PDE8A: variants seen among roughly 807,000 people sequenced by gnomAD.
PDE8A encodes the protein phosphodiesterase 8A.
In PDE8A, 59 loss-of-function variants were observed where a neutral mutation model predicts 105.0. The ratio of observed to expected loss-of-function variants is 0.56; its 90% CI spans 0.46 to 0.70. The LOEUF is 0.70. Among genes scored for constraint, PDE8A ranks in the 30% least tolerant of loss-of-function variants. The pLI is 0.00. For missense variants in PDE8A, 1,014 were observed against 1,045.9 expected, an observed-to-expected ratio of 0.97 and a Z score of 0.42; for synonymous variants, 355 against 371.9, an observed-to-expected ratio of 0.95 and a Z score of 0.52.
chr15:85,056,868 C>T (rs914874283), intron 1 of PDE8A, among the ~76,000 whole-genome samples: 2 of 152,204 alleles, frequency 1.3e-5, no homozygotes, highest in East Asian at 1.9e-4. Context: ...CGAGGAGCTG[C>T]GTTCCTTTGG....
chr15:85,095,633 T>C (rs553540108), intron 8 of PDE8A, among the ~76,000 whole-genome samples: 25 of 152,248 alleles, frequency 1.6e-4, no homozygotes, highest in African/African-American at 5.8e-4. Flanking sequence ...CGTGAGCCAC[T>C]GTGCCCAGCT....
intron 1 of PDE8A, among the ~76,000 whole-genome samples, chr15:85,042,894 AC>A (rs1232080854): frequency 6.6e-6 from 1 of 152,188 alleles, no homozygotes; most frequent in Non-Finnish European, 1.5e-5. Context: ...TATCTGTCTA[AC>A]CTCCAGAATA....
intron 3 of PDE8A, among the ~76,000 whole-genome samples, chr15:85,069,493 C>T (rs2081280719): frequency 6.6e-6 from 1 of 152,180 alleles, no homozygotes; most frequent in South Asian, 2.1e-4. Context: ...TTGTGTCCCC[C>T]CACCCCAGAC....
chr15:85,091,629 A>G (rs1259135316), intron 8 of PDE8A, among the ~76,000 whole-genome samples: 1 of 152,214 alleles, frequency 6.6e-6, no homozygotes, highest in Non-Finnish European at 1.5e-5. Context: ...AGATTCTGGT[A>G]TGGAAAGAAG....
At chr15:85,077,101 A>G (rs1191266937) in intron 5 of PDE8A, among the ~76,000 whole-genome samples, 1 of 152,220 alleles carries the variant, frequency 6.6e-6, no homozygotes, top group Non-Finnish European at 1.5e-5. Context: ...AATAGTTCAT[A>G]GTCTCTCAAA....
At chr15:85,096,656 C>G (rs1290764083) in intron 8 of PDE8A, among the ~76,000 whole-genome samples, 1 of 152,056 alleles carries the variant, frequency 6.6e-6, no homozygotes, top group Non-Finnish European at 1.5e-5. Flanking sequence ...CCTAGGGAAC[C>G]CTGTTTAGTC....
At chr15:85,135,328 A>C (rs539773264) in intron 20 of PDE8A, among the ~76,000 whole-genome samples, 1 of 152,070 alleles carries the variant, frequency 6.6e-6, no homozygotes, top group South Asian at 2.1e-4. Flanking sequence ...CTTCTCCCTT[A>C]CCACACCTGG....
intron 8 of PDE8A, among the ~76,000 whole-genome samples, chr15:85,094,765 T>C (rs12591070): frequency 0.19 from 28,656 of 152,090 alleles, 3,157 homozygotes; most frequent in East Asian, 0.38. Context: ...CTGACCTTGC[T>C]CAGGGCCTTC....
intron 1 of PDE8A, among the ~76,000 whole-genome samples, chr15:85,028,608 C>T (rs1014688310): frequency 4.6e-5 from 7 of 152,140 alleles, no homozygotes; most frequent in African/African-American, 1.7e-4. Context: ...GTTATCTATT[C>T]CTTGTATTTC....
chr15:85,079,445 C>G (rs1274942993), intron 5 of PDE8A, among the ~76,000 whole-genome samples: 1 of 152,150 alleles, frequency 6.6e-6, no homozygotes, highest in Non-Finnish European at 1.5e-5. Flanking sequence ...AAATCTATGT[C>G]TGCTTTTGAG....
chr15:85,026,132 A>G lies in PDE8A; in HGVS notation c.187-38238A>G, dbSNP rs79720457. On this transcript the variant is annotated intron_variant, in intron 1 of 21. Transcript: ENST00000394553. ...AGTTTAGCAGATTATGCCTAGCACT[A>G]TTGTTCCAGTTAAATTGCTGTGAAA... Among the ~76,000 whole-genome samples the G allele has an allele frequency of 7.0e-3, 1,068 of 152,278 alleles. 12 individuals are homozygous for G. Among genetic ancestry groups the G allele is most frequent in the African/African-American group, 0.024 (1,007 of 41,522 alleles).
chr15:85,117,728 G>C lies in PDE8A; in HGVS notation c.1623G>C (p.Trp541Cys). 6 of 1,613,868 alleles carry C rather than the reference G, an allele frequency of 3.7e-6. No homozygotes were observed. Among genetic ancestry groups the C allele is most frequent in the Non-Finnish European group, 3.4e-6 (4 of 1,179,758 alleles). Residue 541 changes from tryptophan (W) to cysteine (C), a missense_variant, in exon 17 of 22, where the codon TGG (tryptophan) becomes TGC (cysteine). Transcript: ENST00000394553. Reference sequence around the variant, plus strand: ...GCTCCGAGTCAACGCTAAGATCATGGTTACAAATTATCGAAGCCAATTATC... The same window carrying C: ...GCTCCGAGTCAACGCTAAGATCATGCTTACAAATTATCGAAGCCAATTATC... Reference protein sequence around the residue: ...LHCSESTLRSWLQIIEANYHS... With the variant: ...LHCSESTLRSCLQIIEANYHS...
At chr15:85,100,932 G>T (rs918714474) in intron 11 of PDE8A, among the ~76,000 whole-genome samples, 1 of 152,180 alleles carries the variant, frequency 6.6e-6, no homozygotes, top group Non-Finnish European at 1.5e-5. Context: ...TGCTGTTGGT[G>T]ACATGCTTTC....
rs1393600035 is a variant in PDE8A at position 84,982,118 on chromosome 15, C to T, written c.-45C>T. The T allele has an allele frequency of 1.6e-6, 2 of 1,221,340 alleles. No homozygotes were observed. The highest frequency in any genetic ancestry group is 2.1e-6 in the Non-Finnish European group (2 of 975,242). The allele number at this position is 1,221,340 out of a possible 1,614,324, so 75.7% of individuals were successfully genotyped here. A position where few individuals can be genotyped will look rare whatever the true frequency, so the allele number is the denominator to read the frequency against. ...GGCGCCGGGTGGGCCGTTTGCTGAC[C>T]GGATCGCGGCTACCCGCCAGCGTGT... On this transcript the variant is annotated 5_prime_UTR_variant, in exon 1 of 22. Transcript: ENST00000394553.
chr15:85,023,342 C>A (rs923671359), intron 1 of PDE8A, among the ~76,000 whole-genome samples: 13 of 152,092 alleles, frequency 8.5e-5, no homozygotes, highest in Non-Finnish European at 1.9e-4. Context: ...TTATTTTTCT[C>A]CCGCAGTGGT....
intron 1 of PDE8A, among the ~76,000 whole-genome samples, chr15:85,021,754 T>C (rs1299089163): frequency 6.6e-6 from 1 of 152,224 alleles, no homozygotes; most frequent in African/African-American, 2.4e-5. Context: ...ATCTAGATGT[T>C]TTTGAAGAGT....
Position 85,137,972 on chromosome 15 carries a change from A to AGCTCCTTGGTCCTTTC in PDE8A, c.*70_*85dup. 1 of 963,778 alleles carries AGCTCCTTGGTCCTTTC rather than the reference A, an allele frequency of 1.0e-6. No individual in the cohort carries two copies. Among genetic ancestry groups the AGCTCCTTGGTCCTTTC allele is most frequent in the Non-Finnish European group, 1.7e-6 (1 of 602,394 alleles). 59.7% of individuals were successfully genotyped at this position (963,778 alleles called of 1,614,324 possible). Reference sequence around the variant, plus strand: ...ATTTGGAATTCCTGAGGGCAGCCAGAGCTCCTTGGTCCTTTCAGTACTAGG... The same window carrying AGCTCCTTGGTCCTTTC: ...ATTTGGAATTCCTGAGGGCAGCCAGAGCTCCTTGGTCCTTTCGCTCCTTGGTCCTTTCAGTACTAGG... On this transcript the variant is annotated 3_prime_UTR_variant, in exon 22 of 22. Transcript: ENST00000394553.
intron 1 of PDE8A, among the ~76,000 whole-genome samples, chr15:84,982,941 AT>A: frequency 6.6e-6 from 1 of 152,374 alleles, no homozygotes; most frequent in African/African-American, 2.4e-5. Context: ...TTTAAAGCAT[AT>A]GTAATTAGAA....
chr15:85,013,758 T>C (rs2141337903), intron 1 of PDE8A, among the ~76,000 whole-genome samples: 1 of 152,358 alleles, frequency 6.6e-6, no homozygotes, highest in Admixed American at 6.5e-5. Context: ...TCATAGTCTC[T>C]CTTGAGGTTG....
Sources: gnomAD v4.1 joint callset for allele counts (sites outside exome capture counted in the v4.1 genomes callset) on GRCh38, gnomAD v4.1.1 for gene constraint, MANE v1.5 for transcripts, NCBI Gene and HGNC (gene_info 2026-07-23, HGNC 2026-07-21) for gene names.